RBFOX1: variants seen among roughly 807,000 people sequenced by gnomAD.
RBFOX1 encodes RNA binding fox-1 homolog 1.
RBFOX1 carries 8 observed loss-of-function variants against 57.7 expected under a neutral mutation model. That is an observed-to-expected ratio of 0.14 (90% CI 0.08 to 0.25). The LOEUF is 0.25. RBFOX1 is among the 10% of genes least tolerant of loss of function. RBFOX1 has a pLI of 1.00. For synonymous variants in RBFOX1, 326 were observed against 222.4 expected (o/e 1.47, Z -4.15); for missense variants, 611 against 548.5 (o/e 1.11, Z -1.14).
At chr16:7,416,579 G>A (rs7198078) in intron 4 of RBFOX1, among the ~76,000 whole-genome samples, 1,620 of 152,188 alleles carry the variant, frequency 0.011, 25 homozygotes, top group African/African-American at 0.037. Flanking sequence ...TCCTCTTCTG[G>A]GGACAGCCTT....
chr16:5,717,823 C>T (rs941921018), intron 3 of RBFOX1, among the ~76,000 whole-genome samples: 1 of 152,210 alleles, frequency 6.6e-6, no homozygotes. Flanking sequence ...TCGATCCTCA[C>T]AACCACTATG....
At chr16:5,484,861 A>T (rs542204264) in intron 2 of RBFOX1, among the ~76,000 whole-genome samples, 2 of 150,290 alleles carry the variant, frequency 1.3e-5, no homozygotes, top group South Asian at 2.1e-4. Context: ...GTGTCACTGC[A>T]CTCCAGCCTG....
intron 3 of RBFOX1, among the ~76,000 whole-genome samples, chr16:5,684,301 C>G (rs780742211): frequency 5.3e-5 from 8 of 152,056 alleles, no homozygotes; most frequent in Non-Finnish European, 1.2e-4. Flanking sequence ...GGATATATAT[C>G]TATATCCTAT....
chr16:7,630,818 T>C, intron 11 of RBFOX1, 135 bp downstream of exon 11: 1 of 1,462,862 alleles, frequency 6.8e-7, no homozygotes, highest in Non-Finnish European at 9.0e-7. Context: ...AAGTTAATTT[T>C]CATAAGCATG....
intron 2 of RBFOX1, among the ~76,000 whole-genome samples, chr16:6,653,905 T>G (rs1185642631): frequency 6.7e-6 from 1 of 148,946 alleles, no homozygotes; most frequent in Non-Finnish European, 1.5e-5. Context: ...AAGATGAATT[T>G]GGGTGGATGG....
intron 2 of RBFOX1, among the ~76,000 whole-genome samples, chr16:6,641,206 C>T (rs547980258): frequency 3.9e-4 from 60 of 152,268 alleles, no homozygotes; most frequent in African/African-American, 1.3e-3. Flanking sequence ...GCTGTTTACG[C>T]TTCACCGAGG....
chr16:5,826,449 G>A (rs1236514950), intron 3 of RBFOX1, among the ~76,000 whole-genome samples: 2 of 152,176 alleles, frequency 1.3e-5, no homozygotes, highest in African/African-American at 2.4e-5. Flanking sequence ...AAAAAGGCCA[G>A]GTAGTAGATA....
intron 5 of RBFOX1, among the ~76,000 whole-genome samples, chr16:7,572,362 A>T (rs879346766): frequency 2.0e-5 from 3 of 152,128 alleles, no homozygotes; most frequent in Non-Finnish European, 2.9e-5. Flanking sequence ...GCAGATATTT[A>T]CTGAGAACTT....
At chr16:6,060,320 A>G (rs1010109105) in intron 1 of RBFOX1, among the ~76,000 whole-genome samples, 2 of 152,102 alleles carry the variant, frequency 1.3e-5, no homozygotes, top group Non-Finnish European at 2.9e-5. Context: ...TGATAATAAT[A>G]GCAGATACTG....
intron 3 of RBFOX1, among the ~76,000 whole-genome samples, chr16:7,046,318 G>A (rs1218528761): frequency 6.7e-6 from 1 of 149,592 alleles, no homozygotes; most frequent in Admixed American, 6.7e-5. Flanking sequence ...CACTTTTTTC[G>A]GTTTTCTTAA....
chr16:6,289,260 G>A (rs1209334768), intron 1 of RBFOX1, among the ~76,000 whole-genome samples: 1 of 152,090 alleles, frequency 6.6e-6, no homozygotes, highest in Non-Finnish European at 1.5e-5. Context: ...GTGGATATAG[G>A]ATGGAAAGGT....
At chr16:6,727,075 A>ACACACACACACACACG (rs1386060713) in intron 3 of RBFOX1, among the ~76,000 whole-genome samples, 1 of 110,678 alleles carries the variant, frequency 9.0e-6, no homozygotes, top group Non-Finnish European at 2.0e-5. Context: ...AGACACAGAG[A>ACACACACACACACACG]GAGACACACA....
intron 4 of RBFOX1, among the ~76,000 whole-genome samples, chr16:7,181,526 C>T (rs1602076456): frequency 1.3e-5 from 2 of 151,106 alleles, no homozygotes; most frequent in South Asian, 2.1e-4. Context: ...TCCCTCTTCC[C>T]TCCCTTGCTC....
At chr16:6,517,628 C>T (rs2096406734) in intron 2 of RBFOX1, among the ~76,000 whole-genome samples, 1 of 152,078 alleles carries the variant, frequency 6.6e-6, no homozygotes, top group Non-Finnish European at 1.5e-5. Context: ...ATCCCGTGAC[C>T]ATCAAACCCC....
chr16:5,959,929 G>T (rs148144627), intron 4 of RBFOX1, among the ~76,000 whole-genome samples: 16 of 152,290 alleles, frequency 1.1e-4, no homozygotes, highest in African/African-American at 3.4e-4. Context: ...GGCTGGGCGC[G>T]GTGGCTCACG....
At chr16:7,002,219 C>T (rs561287882) in intron 3 of RBFOX1, among the ~76,000 whole-genome samples, 12 of 152,278 alleles carry the variant, frequency 7.9e-5, no homozygotes, top group African/African-American at 9.6e-5. Flanking sequence ...AATCTTGATG[C>T]TGTCACTTGA....
rs11644585 is a variant in RBFOX1 at position 7,155,762 on chromosome 16, C to G, written c.27+103664C>G. ...ATACACACACACACACACACACACA[C>G]ACATATATATACAGACACATATATA... is the stretch of plus-strand genomic sequence containing the variant. On this transcript the variant is annotated intron_variant, in intron 4 of 15. Coordinates refer to ENST00000550418, the MANE Select transcript of RBFOX1 (RefSeq NM_018723.4). Among the ~76,000 whole-genome samples, 521 of 122,858 alleles carry G rather than the reference C, an allele frequency of 4.2e-3. 4 individuals are homozygous for G. The highest frequency in any genetic ancestry group is 0.01 in the East Asian group (45 of 4,442). The allele number at this position is 122,858 out of a possible 152,430, so 80.6% of individuals were successfully genotyped here. A position where few individuals can be genotyped will look rare whatever the true frequency, so the allele number is the denominator to read the frequency against.
chr16:6,977,639 G>T (rs920588654), intron 3 of RBFOX1, among the ~76,000 whole-genome samples: 2 of 152,056 alleles, frequency 1.3e-5, no homozygotes, highest in Non-Finnish European at 2.9e-5. Flanking sequence ...GCCCCCGGCT[G>T]GTCATCTCTT....
chr16:6,824,780 A>G (rs2154279645), intron 3 of RBFOX1, among the ~76,000 whole-genome samples: 1 of 152,122 alleles, frequency 6.6e-6, no homozygotes, highest in Non-Finnish European at 1.5e-5. Flanking sequence ...AAACATTTAA[A>G]AGGAATTAAA....
Sources: gnomAD v4.1 joint callset for allele counts (sites outside exome capture counted in the v4.1 genomes callset) on GRCh38, gnomAD v4.1.1 for gene constraint, MANE v1.5 for transcripts, NCBI Gene and HGNC (gene_info 2026-07-23, HGNC 2026-07-21) for gene names.